ADAM10: variants seen among roughly 807,000 people sequenced by gnomAD.
ADAM10 encodes ADAM metallopeptidase domain 10.
In ADAM10, 17 loss-of-function variants were observed where a neutral mutation model predicts 90.1. The observed-to-expected ratio is 0.19, with a 90% CI of 0.13 to 0.28. The LOEUF (loss-of-function observed/expected upper bound fraction) is 0.28. Ranked by LOEUF, ADAM10 falls within the 10% of genes least tolerant of loss-of-function variation. The pLI is 1.00. For missense variants in ADAM10, 610 were observed against 914.3 expected, an observed-to-expected ratio of 0.67 and a Z score of 4.29; for synonymous variants, 310 against 298.6, an observed-to-expected ratio of 1.04 and a Z score of -0.40.
chr15:58,635,293 A>G (rs1460166149), intron 8 of ADAM10, among the ~76,000 whole-genome samples: 5 of 129,858 alleles, frequency 3.9e-5, no homozygotes, highest in Non-Finnish European at 7.8e-5. Flanking sequence ...AAAAAAAAAA[A>G]GAAAGAAAGA....
intron 4 of ADAM10, 61 bp downstream of exon 4, chr15:58,679,063 C>A: frequency 6.7e-7 from 1 of 1,494,876 alleles, no homozygotes; most frequent in Non-Finnish European, 9.2e-7. Context: ...TTTGTCTCCA[C>A]ACAGTTTTAA....
intron 8 of ADAM10, among the ~76,000 whole-genome samples, chr15:58,636,943 A>C (rs1896271118): frequency 6.6e-6 from 1 of 152,214 alleles, no homozygotes; most frequent in African/African-American, 2.4e-5. Context: ...TCAAGTCTGG[A>C]GAGCACTACT....
Position 58,723,748 on chromosome 15 carries a change from T to C in ADAM10, c.56-6021A>G, listed in dbSNP as rs549074913. ...AAATAAACTCACCCACTTTATATCA[T>C]AGCAAAAAGAATAACTGGGTAGAGA... On this transcript the variant is annotated intron_variant, in intron 1 of 15. Coordinates refer to ENST00000260408, the MANE Select transcript of ADAM10 (RefSeq NM_001110.4). Among the ~76,000 whole-genome samples the C allele has an allele frequency of 1.2e-3, 180 of 151,638 alleles. 1 individual carries two copies. The highest frequency in any genetic ancestry group is 5.0e-4 in the Non-Finnish European group (34 of 67,888).
chr15:58,645,114 A>T (rs746040250), intron 6 of ADAM10, among the ~76,000 whole-genome samples: 2 of 152,232 alleles, frequency 1.3e-5, no homozygotes, highest in African/African-American at 2.4e-5. Context: ...GTAAAAACAT[A>T]AACATAAAAC....
chr15:58,737,963 G>A (rs1273626515), intron 1 of ADAM10, among the ~76,000 whole-genome samples: 2 of 152,022 alleles, frequency 1.3e-5, no homozygotes, highest in African/African-American at 2.4e-5. Flanking sequence ...CCAAAAAGTT[G>A]GCTATACAAT....
At chr15:58,613,200 C>A (rs1895500258) in intron 11 of ADAM10, among the ~76,000 whole-genome samples, 1 of 152,222 alleles carries the variant, frequency 6.6e-6, no homozygotes, top group Non-Finnish European at 1.5e-5. Flanking sequence ...ATGTTGAATA[C>A]AGCTGAAGAA....
At chr15:58,648,757 T>C (rs1202493972) in intron 5 of ADAM10, among the ~76,000 whole-genome samples, 1 of 152,190 alleles carries the variant, frequency 6.6e-6, no homozygotes, top group Non-Finnish European at 1.5e-5. Context: ...TCTGAAGTTA[T>C]AATATTACGG....
At chr15:58,742,840 C>A (rs1285743791) in intron 1 of ADAM10, among the ~76,000 whole-genome samples, 1 of 152,102 alleles carries the variant, frequency 6.6e-6, no homozygotes. Flanking sequence ...AAATCAATTA[C>A]TCCTTTAGAA....
intron 8 of ADAM10, among the ~76,000 whole-genome samples, chr15:58,637,338 A>C (rs1394844071): frequency 6.6e-6 from 1 of 152,216 alleles, no homozygotes; most frequent in Non-Finnish European, 1.5e-5. Flanking sequence ...CCGAACTGAG[A>C]CTATGTTCAT....
Position 58,690,310 on chromosome 15 carries a change from C to G in ADAM10, c.207-7996G>C, listed in dbSNP as rs546463814. The stretch of plus-strand genomic sequence containing the variant: ...AAGATGAAAGACTGAATGCTTCTCT[C>G]CTAAGATTGGGAAGAAGGTAAAGAT... On this transcript the variant is annotated intron_variant, in intron 2 of 15. Coordinates refer to ENST00000260408, the MANE Select transcript of ADAM10 (RefSeq NM_001110.4). Among the ~76,000 whole-genome samples the G allele has an allele frequency of 7.2e-5, 11 of 152,222 alleles. No homozygotes were observed. The East Asian group carries it at 1.9e-3, about 27-fold the overall frequency.
chr15:58,683,223 A>G (rs1347464542), intron 2 of ADAM10, among the ~76,000 whole-genome samples: 5 of 152,230 alleles, frequency 3.3e-5, no homozygotes, highest in African/African-American at 1.2e-4. Context: ...ATAATTGTGA[A>G]CATAATAGAA....
At chr15:58,599,152 GAAA>G (rs1457022827) in intron 15 of ADAM10, among the ~76,000 whole-genome samples, 1 of 11,418 alleles carries the variant, frequency 8.8e-5, no homozygotes. Flanking sequence ...GTGAGAGAAA[GAAA>G]AAAGAAAAAG....
rs56365631 is a variant in ADAM10 at position 58,626,661 on chromosome 15, C to G, written c.1360+1039G>C. ...TGGAACTCTGATACATGCTACAACA[C>G]AGATAAACCTTGAAAATATTATGCT... is the stretch of plus-strand genomic sequence containing the variant. On this transcript the variant is annotated intron_variant, in intron 10 of 15. Coordinates refer to ENST00000260408, the MANE Select transcript of ADAM10 (RefSeq NM_001110.4). 4.2e-3 allele frequency among the ~76,000 whole-genome samples: 643 copies of G among 152,240 alleles called. 3 individuals carry two copies. Among genetic ancestry groups the G allele is most frequent in the African/African-American group, 0.015 (612 of 41,546 alleles).
chr15:58,707,383 A>T (rs1363046475), intron 2 of ADAM10: 2 of 105,772 alleles, frequency 1.9e-5, no homozygotes, highest in African/African-American at 6.5e-5. Context: ...GACTCCATCT[A>T]AAAAAAAAAA....
At chr15:58,647,246 G>GTCTTTTTTTT (rs1323960397) in intron 5 of ADAM10, among the ~76,000 whole-genome samples, 2 of 36,828 alleles carry the variant, frequency 5.4e-5, no homozygotes, top group African/African-American at 1.5e-4. Flanking sequence ...TAGACACTAA[G>GTCTTTTTTTT]TATTTTTTTT....
At chr15:58,665,468 T>C (rs549944882) in intron 4 of ADAM10, among the ~76,000 whole-genome samples, 6 of 152,274 alleles carry the variant, frequency 3.9e-5, no homozygotes, top group African/African-American at 1.4e-4. Flanking sequence ...CTCATTATTC[T>C]GACCCTATCA....
chr15:58,723,091 T>A (rs1351239668), intron 1 of ADAM10, among the ~76,000 whole-genome samples: 1 of 151,952 alleles, frequency 6.6e-6, no homozygotes, highest in African/African-American at 2.4e-5. Context: ...ACACTGGTCA[T>A]AACCTAATAA....
In ADAM10 at chr15:58,646,099, A is replaced by T. The variant is rs1184545390; in HGVS notation, c.691T>A (p.Leu231Met). Residue 231 changes from leucine (L) to methionine (M), a missense_variant, in exon 6 of 16, where the codon TTG becomes ATG. Leu to Met is a conservative substitution (Grantham distance 15, BLOSUM62 2). Coordinates refer to ENST00000260408, the MANE Select transcript of ADAM10 (RefSeq NM_001110.4). ...CGTGTTCCGTAATATTTAAAGAACA[A>T]ATGATCAGTCTGAATATAAAGCTGA... The part of the protein sequence containing the change: ...TCQLYIQTDH[L>M]FFKYYGTREA... 17 of 1,613,636 alleles carry T rather than the reference A, an allele frequency of 1.1e-5. No homozygotes were observed. In the Admixed American group the frequency reaches 2.8e-4, roughly 27 times the overall value.
At chr15:58,737,574 A>G (rs909507566) in intron 1 of ADAM10, among the ~76,000 whole-genome samples, 2 of 152,188 alleles carry the variant, frequency 1.3e-5, no homozygotes, top group African/African-American at 2.4e-5. Context: ...AATGAAAATA[A>G]CAACACGTAT....
Sources: allele counts gnomAD v4.1 joint callset (sites outside exome capture counted in the v4.1 genomes callset), GRCh38; gene constraint gnomAD v4.1.1; transcripts MANE v1.5; gene names NCBI Gene and HGNC (gene_info 2026-07-23, HGNC 2026-07-21).